DNER: variants seen among roughly 807,000 people sequenced by gnomAD.
DNER encodes delta/notch like EGF repeat containing, also known as delta and Notch-like epidermal growth factor-related receptor.
In DNER, 33 loss-of-function variants were observed where a neutral mutation model predicts 78.2. The ratio of observed to expected loss-of-function variants is 0.42; its 90% confidence interval spans 0.32 to 0.56. The LOEUF (loss-of-function observed/expected upper bound fraction) is 0.56. Among genes scored for constraint, DNER ranks in the 20% least tolerant of loss-of-function variants. The pLI is 0.11. For synonymous variants in DNER, 417 were observed against 384.8 expected (o/e 1.08, Z -0.98); for missense variants, 918 against 975.3 (o/e 0.94, Z 0.78).
intron 1 of DNER, among the ~76,000 whole-genome samples, chr2:229,671,293 C>A (rs1343868083): frequency 6.6e-6 from 1 of 152,168 alleles, no homozygotes; most frequent in East Asian, 1.9e-4. Flanking sequence ...ACTCGGCTTT[C>A]CCTTGGACAC....
intron 8 of DNER, among the ~76,000 whole-genome samples, chr2:229,428,671 G>GA (rs11390976): frequency 0.38 from 55,714 of 144,920 alleles, 11,955 homozygotes; most frequent in Non-Finnish European, 0.5. Context: ...GAAGTGATTT[G>GA]AAAAAAAAAA....
rs141240537 is a variant in DNER at position 229,587,008 on chromosome 2, G to C, written c.681-984C>G. The C allele has an allele frequency of 7.1e-6, 7 of 985,270 alleles. No individual in the cohort carries two copies. In the African/African-American group the frequency reaches 8.7e-5, roughly 12 times the overall value. 61.0% of individuals were successfully genotyped at this position (985,270 alleles called of 1,614,324 possible). A position where few individuals can be genotyped will look rare whatever the true frequency, so the allele number is the denominator to read the frequency against. On this transcript the variant is annotated intron_variant, in intron 3 of 12. Coordinates refer to ENST00000341772, the MANE Select transcript of DNER (RefSeq NM_139072.4). ...GGCACTCCCATCTCACTTCGTCTGA[G>C]TCAGACTCTGCTAATTCGGTCCCGT...
At chr2:229,546,492 G>A (rs1696628409) in intron 5 of DNER, among the ~76,000 whole-genome samples, 1 of 152,232 alleles carries the variant, frequency 6.6e-6, no homozygotes, top group Admixed American at 6.5e-5. Context: ...TCTCAGCACT[G>A]TGGGAGGCCA....
At chr2:229,453,453 T>C (rs1026506769) in intron 7 of DNER, among the ~76,000 whole-genome samples, 4 of 152,120 alleles carry the variant, frequency 2.6e-5, no homozygotes, top group African/African-American at 9.7e-5. Flanking sequence ...AGGTATGAAC[T>C]AGACTGTTGA....
chr2:229,526,809 A>G (rs558129166), intron 5 of DNER, among the ~76,000 whole-genome samples: 2 of 152,282 alleles, frequency 1.3e-5, no homozygotes, highest in South Asian at 4.1e-4. Context: ...CTGTGTCCCC[A>G]TCTGATGATG....
At chr2:229,458,959 T>G (rs1409313923) in intron 7 of DNER, among the ~76,000 whole-genome samples, 2 of 152,044 alleles carry the variant, frequency 1.3e-5, no homozygotes, top group African/African-American at 4.8e-5. Flanking sequence ...TCAATAGTGT[T>G]TCTATACACT....
In DNER at chr2:229,591,934, G is replaced by A; in HGVS notation, c.277-46C>T. ...GGTCAATTATTCCCTCATAAGAAAA[G>A]TGGTGCCATCGCTGGGAAATTAGCT... On this transcript the variant is annotated intron_variant, in intron 1 of 12. Coordinates refer to ENST00000341772, the MANE Select transcript of DNER (RefSeq NM_139072.4). This position sits in a 1 kb window ranked among gnomAD's most constrained non-coding sequence, Gnocchi z 4.6. The A allele has an allele frequency of 2.1e-6, 3 of 1,455,616 alleles. No homozygotes were observed. The highest frequency in any genetic ancestry group is 2.1e-4 in the Middle Eastern group (1 of 4,834). The allele number at this position is 1,455,616 out of a possible 1,614,324, so 90.2% of individuals were successfully genotyped here. A position where few individuals can be genotyped will look rare whatever the true frequency, so the allele number is the denominator to read the frequency against.
At chr2:229,461,071 G>A (rs1011676829) in intron 7 of DNER, among the ~76,000 whole-genome samples, 2 of 152,044 alleles carry the variant, frequency 1.3e-5, no homozygotes, top group Non-Finnish European at 2.9e-5. Flanking sequence ...ACAACACAAG[G>A]TGGAAAAGGC....
At chr2:229,712,606 A>G (rs887601254) in intron 1 of DNER, among the ~76,000 whole-genome samples, 8 of 152,228 alleles carry the variant, frequency 5.3e-5, no homozygotes, top group African/African-American at 1.9e-4. Flanking sequence ...CATATAAATC[A>G]TCAATCCACA....
chr2:229,661,105 T>C (rs1699003057), intron 1 of DNER, among the ~76,000 whole-genome samples: 1 of 152,200 alleles, frequency 6.6e-6, no homozygotes, highest in Admixed American at 6.6e-5. Context: ...TTATCCTTTG[T>C]TTTTACTGAT....
chr2:229,565,055 G>T (rs1697077545), intron 4 of DNER, among the ~76,000 whole-genome samples: 1 of 152,084 alleles, frequency 6.6e-6, no homozygotes, highest in African/African-American at 2.4e-5. Context: ...CCTCTCAAAA[G>T]CCCCAGCTGC....
At chr2:229,492,653 C>T (rs1450131810) in intron 6 of DNER, among the ~76,000 whole-genome samples, 1 of 149,696 alleles carries the variant, frequency 6.7e-6, no homozygotes. Flanking sequence ...GTCTAAAACT[C>T]ACAACTCATT....
At chr2:229,609,181 C>T (rs2154215118) in intron 1 of DNER, among the ~76,000 whole-genome samples, 1 of 152,274 alleles carries the variant, frequency 6.6e-6, no homozygotes. Flanking sequence ...TAAGATCACG[C>T]CACTGCACTC....
chr2:229,682,860 A>G (rs190153647), intron 1 of DNER, among the ~76,000 whole-genome samples: 1 of 152,248 alleles, frequency 6.6e-6, no homozygotes, highest in Admixed American at 6.5e-5. Context: ...AGAGAAAAAA[A>G]AGAAAAGATA....
intron 11 of DNER, among the ~76,000 whole-genome samples, chr2:229,369,618 A>C (rs1343075622): frequency 6.6e-6 from 1 of 152,200 alleles, no homozygotes; most frequent in Non-Finnish European, 1.5e-5. Context: ...CCTAAGGCAC[A>C]TGCTCTGAGC....
intron 4 of DNER, among the ~76,000 whole-genome samples, chr2:229,563,815 A>C (rs1574904922): frequency 4.2e-5 from 5 of 118,160 alleles, no homozygotes; most frequent in African/African-American, 1.0e-4. Flanking sequence ...CAACATCATC[A>C]CCCCATCACC....
intron 1 of DNER, among the ~76,000 whole-genome samples, chr2:229,705,520 CCT>C (rs1699813354): frequency 6.6e-6 from 1 of 152,140 alleles, no homozygotes; most frequent in Non-Finnish European, 1.5e-5. Context: ...GAACCGCAAC[CCT>C]CTGGTTCCCT....
At chr2:229,378,518 C>A (rs1039501936) in intron 11 of DNER, among the ~76,000 whole-genome samples, 17 of 152,280 alleles carry the variant, frequency 1.1e-4, no homozygotes, top group Non-Finnish European at 2.4e-4. Context: ...GACAGGCAAG[C>A]AATGTGGCCT....
intron 10 of DNER, among the ~76,000 whole-genome samples, chr2:229,391,351 T>C (rs1161773025): frequency 1.3e-5 from 2 of 152,192 alleles, no homozygotes. Context: ...ATCTTTAAGC[T>C]TTTGCTGCCC....
Sources: allele counts gnomAD v4.1 joint callset (sites outside exome capture counted in the v4.1 genomes callset), GRCh38; gene constraint gnomAD v4.1.1; non-coding constraint Gnocchi (gnomAD v3.1); transcripts MANE v1.5; gene names NCBI Gene and HGNC (gene_info 2026-07-23, HGNC 2026-07-21).